OLFM3: variants seen among roughly 807,000 people sequenced by gnomAD.
OLFM3 encodes noelin-3.
In OLFM3, 20 loss-of-function variants were observed where a neutral mutation model predicts 48.6. That is an observed-to-expected ratio of 0.41 (90% CI 0.29 to 0.60). The LOEUF (loss-of-function observed/expected upper bound fraction) is 0.60, where lower values mean the gene tolerates loss of function less well. OLFM3 is among the 20% of genes least tolerant of loss of function. The pLI is 0.28. For missense variants in OLFM3, 437 were observed against 544.3 expected, an observed-to-expected ratio of 0.80 and a Z score of 1.96; for synonymous variants, 222 against 198.1, an observed-to-expected ratio of 1.12 and a Z score of -1.01.
chr1:101,933,201 C>CAAGAAAAAAA (rs1659507868), intron 1 of OLFM3, among the ~76,000 whole-genome samples: 1 of 40,110 alleles, frequency 2.5e-5, no homozygotes. Context: ...GACTCCATCT[C>CAAGAAAAAAA]AAAAAAAAAA....
At chr1:101,943,385 A>G (rs1018976049) in intron 1 of OLFM3, among the ~76,000 whole-genome samples, 2 of 152,220 alleles carry the variant, frequency 1.3e-5, no homozygotes, top group African/African-American at 4.8e-5. Flanking sequence ...CAATTTTGTA[A>G]GACAGTTATT....
At chr1:101,915,213 C>T (rs1235900266) in intron 1 of OLFM3, among the ~76,000 whole-genome samples, 2 of 151,998 alleles carry the variant, frequency 1.3e-5, no homozygotes, top group Non-Finnish European at 2.9e-5. Flanking sequence ...ATAATTGGGC[C>T]ATTATGCTCT....
chr1:101,900,302 G>A (rs941021288), intron 1 of OLFM3, among the ~76,000 whole-genome samples: 7 of 152,150 alleles, frequency 4.6e-5, no homozygotes, highest in South Asian at 2.1e-4. Context: ...GGATAGACTC[G>A]TATGAGAACA....
chr1:101,996,813 G>C lies in OLFM3; in HGVS notation c.4C>G (p.Gln2Glu), dbSNP rs754712396. ...AGGTTGAGAAGGTTGGACGTCGCCT[G>C]CATTCTGATCTGGGTTTTTGCCCCT... is the stretch of plus-strand genomic sequence containing the variant. M[Q>E]ATSNLLNLLL... The change falls in exon 1 of 6, where the codon CAG (glutamine) becomes GAG (glutamate). Residue 2 changes from glutamine (Q) to glutamate (E), a missense_variant. Physicochemically the swap from Gln to Glu is conservative, Grantham distance 29. Around this residue, in one of 3 missense-constraint regions of OLFM3, gnomAD observed 314 missense variants for 365.5 expected, o/e 0.86. Transcript: ENST00000370103. 6.2e-7 allele frequency: 1 copy of C among 1,614,122 alleles called. No individual in the cohort carries two copies. Among genetic ancestry groups the C allele is most frequent in the African/African-American group, 1.3e-5 (1 of 74,960 alleles).
At chr1:101,988,663 CA>C (rs1001324619) in intron 1 of OLFM3, among the ~76,000 whole-genome samples, 1 of 151,650 alleles carries the variant, frequency 6.6e-6, no homozygotes, top group Non-Finnish European at 1.5e-5. Context: ...TTTTTTCATG[CA>C]AAAAATACTT....
chr1:101,922,121 C>A (rs2101039228), intron 1 of OLFM3, among the ~76,000 whole-genome samples: 1 of 152,260 alleles, frequency 6.6e-6, no homozygotes, highest in East Asian at 1.9e-4. Context: ...GTGGTCTCCA[C>A]AGACAGATTG....
rs139952615 is a variant in OLFM3 at position 101,816,370 on chromosome 1, C to A, written c.592+8656G>T. On this transcript the variant is annotated intron_variant, in intron 4 of 5. Transcript: ENST00000370103. ...AAATAATCTAGTAGGGAGCAATACG[C>A]TGATGTTGTGAAAGACAATAATTAA... 9.2e-5 allele frequency among the ~76,000 whole-genome samples: 14 copies of A among 152,172 alleles called. No homozygotes were observed. In the East Asian group the frequency reaches 2.5e-3, roughly 27 times the overall value.
intron 1 of OLFM3, among the ~76,000 whole-genome samples, chr1:101,896,658 C>A (rs1052723457): frequency 7.1e-6 from 1 of 140,302 alleles, no homozygotes; most frequent in Non-Finnish European, 1.5e-5. Flanking sequence ...CCACGCCCGG[C>A]TGATTTTTTG....
intron 1 of OLFM3, among the ~76,000 whole-genome samples, chr1:101,880,070 A>C (rs1228600921): frequency 2.0e-5 from 3 of 151,888 alleles, no homozygotes; most frequent in African/African-American, 7.2e-5. Context: ...TAGACATGTG[A>C]CAAAAACACA....
At chr1:101,982,459 A>G (rs1480551473) in intron 1 of OLFM3, among the ~76,000 whole-genome samples, 4 of 152,156 alleles carry the variant, frequency 2.6e-5, no homozygotes, top group African/African-American at 4.8e-5. Flanking sequence ...TTTAAAATGT[A>G]TTACTACTGT....
rs938172100 is a variant in OLFM3, at chr1:101,803,783, T to C, written c.*455A>G. On this transcript the variant is annotated 3_prime_UTR_variant, in exon 6 of 6. Coordinates refer to ENST00000370103, the MANE Select transcript of OLFM3 (RefSeq NM_058170.4). ...TATTTTTCAATATAAATGAAATCCT[T>C]ACATTTTTTAAAGAAATAAATGGGA... 20 of 152,646 alleles carry C rather than the reference T, an allele frequency of 1.3e-4. No homozygotes were observed. The highest frequency in any genetic ancestry group is 4.6e-4 in the Admixed American group (7 of 15,228). The allele number at this position is 152,646 out of a possible 1,614,324, so 9.5% of individuals were successfully genotyped here.
chr1:101,935,219 G>C (rs1659572769), intron 1 of OLFM3, among the ~76,000 whole-genome samples: 2 of 150,338 alleles, frequency 1.3e-5, no homozygotes, highest in Middle Eastern at 3.4e-3. Flanking sequence ...AAGATTGATA[G>C]ACCACTAACT....
intron 1 of OLFM3, among the ~76,000 whole-genome samples, chr1:101,962,408 G>GA (rs1439401248): frequency 6.6e-6 from 1 of 151,892 alleles, no homozygotes; most frequent in Admixed American, 6.6e-5. Flanking sequence ...CCAAATAAAA[G>GA]AAAAAAATCA....
chr1:101,901,497 G>A (rs538161759), intron 1 of OLFM3, among the ~76,000 whole-genome samples: 4 of 152,050 alleles, frequency 2.6e-5, no homozygotes, highest in African/African-American at 7.2e-5. Context: ...AATAAGAGTC[G>A]GGACTTAAAT....
In OLFM3 at chr1:101,854,028, A is replaced by C. The variant is rs549237470; in HGVS notation, c.70-17003T>G. ...TTGGCTAGCCAAATTTTTCTCTAAT[A>C]GCATAGGGGTGGCAGAAGGGACGTA... On this transcript the variant is annotated intron_variant, in intron 1 of 5. Transcript: ENST00000370103. Among the ~76,000 whole-genome samples the C allele has an allele frequency of 2.0e-5, 3 of 152,128 alleles. No individual in the cohort carries two copies. In the South Asian group the frequency reaches 6.2e-4, roughly 32 times the overall value.
chr1:101,819,664 A>C (rs942715636), intron 4 of OLFM3, among the ~76,000 whole-genome samples: 2 of 151,924 alleles, frequency 1.3e-5, no homozygotes, highest in Non-Finnish European at 2.9e-5. Context: ...AATTGGGTGG[A>C]TGGTGGTTCT....
At chr1:101,927,637 G>A (rs942590601) in intron 1 of OLFM3, among the ~76,000 whole-genome samples, 2 of 151,300 alleles carry the variant, frequency 1.3e-5, no homozygotes, top group African/African-American at 4.8e-5. Context: ...CTATCACTTA[G>A]TCATTATGCT....
intron 1 of OLFM3, among the ~76,000 whole-genome samples, chr1:101,950,965 T>C (rs966905309): frequency 1.3e-5 from 2 of 152,220 alleles, no homozygotes; most frequent in African/African-American, 4.8e-5. Flanking sequence ...CCAGTTTCTC[T>C]ATTTGCCTAG....
At chr1:101,863,785 C>A (rs1656751347) in intron 1 of OLFM3, among the ~76,000 whole-genome samples, 1 of 151,984 alleles carries the variant, frequency 6.6e-6, no homozygotes, top group Non-Finnish European at 1.5e-5. Context: ...AAGTGAAGTT[C>A]CATTGCAGAA....
Sources: gnomAD v4.1 joint callset for allele counts (sites outside exome capture counted in the v4.1 genomes callset) on GRCh38, gnomAD v4.1.1 for gene constraint, gnomAD v4.1.1 regional missense constraint, MANE v1.5 for transcripts, NCBI Gene and HGNC (gene_info 2026-07-23, HGNC 2026-07-21) for gene names.